The following GRID2 variants were observed in gnomAD, a reference collection of about 807,000 sequenced individuals.
GRID2 encodes glutamate ionotropic receptor delta type subunit 2.
A neutral mutation model predicts 114.8 loss-of-function variants in GRID2; 33 were observed. That is an observed-to-expected ratio of 0.29 (90% confidence interval 0.22 to 0.38). The LOEUF (loss-of-function observed/expected upper bound fraction) is 0.38. Among genes scored for constraint, GRID2 ranks in the 10% least tolerant of loss-of-function variants. The probability of loss-of-function intolerance (pLI) is 1.00; values close to 1 mark genes in which losing one functional copy is unlikely to be tolerated. For synonymous variants in GRID2, 505 were observed against 449.9 expected, an observed-to-expected ratio of 1.12 and a Z score of -1.55; for missense variants, 1,184 against 1,257.7, an observed-to-expected ratio of 0.94 and a Z score of 0.89.
At chr4:93,450,846 T>A (rs1324563379) in intron 10 of GRID2, among the ~76,000 whole-genome samples, 1 of 151,968 alleles carries the variant, frequency 6.6e-6, no homozygotes, top group Non-Finnish European at 1.5e-5. Flanking sequence ...AGATGCCTAA[T>A]TATCTTAGCT....
At chr4:92,318,538 A>T (rs372140875) in intron 1 of GRID2, among the ~76,000 whole-genome samples, 10 of 120,038 alleles carry the variant, frequency 8.3e-5, no homozygotes, top group African/African-American at 3.2e-4. Context: ...TTTTTGAGAC[A>T]GAGTCTCACT....
At chr4:93,613,236 A>G (rs1235333918) in intron 13 of GRID2, among the ~76,000 whole-genome samples, 11 of 142,770 alleles carry the variant, frequency 7.7e-5, no homozygotes, top group South Asian at 2.3e-4. Context: ...AAAGTTTTCA[A>G]CTTCTTTGCC....
chr4:93,763,667 TAA>T (rs34157884), intron 14 of GRID2, among the ~76,000 whole-genome samples: 1 of 152,134 alleles, frequency 6.6e-6, no homozygotes, highest in Non-Finnish European at 1.5e-5. Context: ...GTGAGCAACT[TAA>T]AAAGTCATTT....
chr4:92,950,892 A>G (rs1751986660), intron 2 of GRID2, among the ~76,000 whole-genome samples: 1 of 152,156 alleles, frequency 6.6e-6, no homozygotes, highest in Admixed American at 6.6e-5. Flanking sequence ...CATATTCTGT[A>G]GCTTTGAAAA....
chr4:93,364,986 T>G (rs1333929889), intron 8 of GRID2, among the ~76,000 whole-genome samples: 1 of 152,184 alleles, frequency 6.6e-6, no homozygotes, highest in Non-Finnish European at 1.5e-5. Flanking sequence ...AAGTTTGTCT[T>G]TATTCTTTTT....
At chr4:93,054,704 A>T (rs1402299433) in intron 2 of GRID2, among the ~76,000 whole-genome samples, 1 of 151,938 alleles carries the variant, frequency 6.6e-6, no homozygotes, top group Non-Finnish European at 1.5e-5. Flanking sequence ...GATTTTATCC[A>T]TTGTTAAGAT....
At chr4:92,828,914 G>C (rs764318290) in intron 2 of GRID2, among the ~76,000 whole-genome samples, 5 of 150,820 alleles carry the variant, frequency 3.3e-5, no homozygotes, top group South Asian at 2.2e-4. Flanking sequence ...CTGGATATTA[G>C]ACCTTTGTCA....
At chr4:92,387,805 G>T (rs1450709013) in intron 1 of GRID2, among the ~76,000 whole-genome samples, 1 of 151,960 alleles carries the variant, frequency 6.6e-6, no homozygotes, top group Admixed American at 6.6e-5. Flanking sequence ...AAAGTCTGTG[G>T]TAGAAATAAA....
At chr4:93,156,533 A>G (rs1160498710) in intron 4 of GRID2, among the ~76,000 whole-genome samples, 2 of 151,776 alleles carry the variant, frequency 1.3e-5, no homozygotes, top group African/African-American at 4.8e-5. Context: ...GTGTTGACAG[A>G]TCATGGTGTT....
At chr4:92,447,894 G>A (rs540423793) in intron 1 of GRID2, among the ~76,000 whole-genome samples, 1 of 152,292 alleles carries the variant, frequency 6.6e-6, no homozygotes, top group South Asian at 2.1e-4. Context: ...GAATTTCAAA[G>A]CAGAAATTTG....
At chr4:93,191,796 A>G (rs1336716207) in intron 4 of GRID2, among the ~76,000 whole-genome samples, 2 of 152,162 alleles carry the variant, frequency 1.3e-5, no homozygotes, top group African/African-American at 4.8e-5. Context: ...AACAGTATCA[A>G]TCTCTGCTTT....
intron 2 of GRID2, among the ~76,000 whole-genome samples, chr4:92,623,456 T>C (rs1730373963): frequency 6.6e-6 from 1 of 151,554 alleles, no homozygotes; most frequent in African/African-American, 2.4e-5. Flanking sequence ...AAAGCCATAA[T>C]ATTTACTTAA....
chr4:93,278,481 G>A (rs912094073), intron 8 of GRID2, among the ~76,000 whole-genome samples: 2 of 152,036 alleles, frequency 1.3e-5, no homozygotes, highest in African/African-American at 4.8e-5. Context: ...GCTAGGGAAG[G>A]CTAATGCCGA....
chr4:92,503,888 T>G (rs1723818027), intron 1 of GRID2, among the ~76,000 whole-genome samples: 1 of 152,016 alleles, frequency 6.6e-6, no homozygotes, highest in South Asian at 2.1e-4. Flanking sequence ...AGGTATATAG[T>G]TAATGAAGAA....
At chr4:93,414,493 T>C (rs938136989) in intron 9 of GRID2, among the ~76,000 whole-genome samples, 16 of 152,112 alleles carry the variant, frequency 1.1e-4, no homozygotes, top group African/African-American at 3.9e-4. Context: ...CTAGCCACGC[T>C]AGTGTCTCTT....
intron 14 of GRID2, among the ~76,000 whole-genome samples, chr4:93,744,097 A>T (rs1731640519): frequency 6.6e-6 from 1 of 152,222 alleles, no homozygotes. Flanking sequence ...CCCAATGTGG[A>T]GACACTGCTC....
chr4:92,829,046 T>C (rs558749939), intron 2 of GRID2, among the ~76,000 whole-genome samples: 4 of 152,186 alleles, frequency 2.6e-5, no homozygotes, highest in Non-Finnish European at 4.4e-5. Flanking sequence ...ATTTTGGCTT[T>C]TGTTGCAATT....
At chr4:92,667,016 T>C (rs1560520992) in intron 2 of GRID2, among the ~76,000 whole-genome samples, 1 of 151,364 alleles carries the variant, frequency 6.6e-6, no homozygotes, top group African/African-American at 2.4e-5. Context: ...CTCCCATGAG[T>C]TGTATGAAAA....
At chr4:92,380,077 A>G (rs17019351) in intron 1 of GRID2, among the ~76,000 whole-genome samples, 49,439 of 151,718 alleles carry the variant, frequency 0.33, 9,150 homozygotes, top group East Asian at 0.7. Flanking sequence ...CTGATCTTTA[A>G]TGTGGTATAA....
Sources: allele counts gnomAD v4.1 joint callset (sites outside exome capture counted in the v4.1 genomes callset), GRCh38; gene constraint gnomAD v4.1.1; transcripts MANE v1.5; gene names NCBI Gene and HGNC (gene_info 2026-07-23, HGNC 2026-07-21).